Variants in TMEM164 observed in about 807,000 individuals in gnomAD.
TMEM164 encodes the protein transmembrane protein 164.
In TMEM164, 4 loss-of-function variants were observed where a neutral mutation model predicts 18.8. The observed-to-expected ratio is 0.21, with a 90% confidence interval of 0.10 to 0.49. TMEM164 has a LOEUF of 0.49. Ranked by LOEUF, TMEM164 falls within the 20% of genes least tolerant of loss-of-function variation. The probability of loss-of-function intolerance (pLI) is 0.98; values close to 1 mark genes in which losing one functional copy is unlikely to be tolerated. For missense variants in TMEM164, 108 were observed against 239.9 expected, an observed-to-expected ratio of 0.45 and a Z score of 3.63; for synonymous variants, 86 against 101.7, an observed-to-expected ratio of 0.85 and a Z score of 0.93.
downstream of TMEM164, among the ~76,000 whole-genome samples, chrX:110,179,801 A>G (rs1242240039): frequency 8.9e-6 from 1 of 111,905 alleles, no homozygotes; most frequent in East Asian, 2.8e-4. Context: ...GGTCTGATTC[A>G]TCCTCCAGCC....
At chrX:110,058,131 G>GT (rs1935936028) in intron 2 of TMEM164, among the ~76,000 whole-genome samples, 1 of 111,509 alleles carries the variant, frequency 9.0e-6, no homozygotes, top group African/African-American at 3.3e-5. Context: ...TGTGTGTGGT[G>GT]TAAGATAAGA....
chrX:110,151,344 C>G (rs2066935760), intron 5 of TMEM164, among the ~76,000 whole-genome samples: 1 of 111,017 alleles, frequency 9.0e-6, no homozygotes, highest in South Asian at 3.7e-4. Flanking sequence ...TGTTTACTAG[C>G]AATGTATGAG....
intron 3 of TMEM164, among the ~76,000 whole-genome samples, chrX:110,092,141 A>C (rs964481791): frequency 2.7e-5 from 3 of 111,881 alleles, no homozygotes; most frequent in African/African-American, 9.7e-5. Context: ...GTCAGATAGC[A>C]TGATGCCTCC....
At chrX:110,182,047 C>G (rs1222672046), downstream of TMEM164, among the ~76,000 whole-genome samples, 1 of 111,185 alleles carries the variant, frequency 9.0e-6, no homozygotes, top group Non-Finnish European at 1.9e-5. Flanking sequence ...TTTAACATCA[C>G]TAAAATTGGA....
chrX:110,003,347 C>T (rs776665047), intron 1 of TMEM164, among the ~76,000 whole-genome samples, 154 bp from the exon 2 acceptor site: 1 of 112,010 alleles, frequency 8.9e-6, no homozygotes, highest in South Asian at 3.7e-4. Flanking sequence ...CGCCCTGACC[C>T]TTTCGGCCTC....
At chrX:110,134,187 C>T (rs1053524978) in intron 4 of TMEM164, among the ~76,000 whole-genome samples, 1 of 111,356 alleles carries the variant, frequency 9.0e-6, no homozygotes, top group African/African-American at 3.3e-5. Context: ...ACTCTGTTCC[C>T]CTGCTCTCTC....
intron 4 of TMEM164, among the ~76,000 whole-genome samples, chrX:110,131,755 C>G (rs1320007702): frequency 8.9e-6 from 1 of 112,054 alleles, no homozygotes; most frequent in Non-Finnish European, 1.9e-5. Context: ...TACTAACTTT[C>G]CCTTATTGAG....
At chrX:110,046,923 G>A (rs1407066159) in intron 2 of TMEM164, among the ~76,000 whole-genome samples, 1 of 111,974 alleles carries the variant, frequency 8.9e-6, no homozygotes, top group African/African-American at 3.3e-5. Flanking sequence ...CTTCCACCTT[G>A]AATCCATTGA....
In TMEM164 at chrX:110,042,264, C is replaced by G. The variant is rs1171588152; in HGVS notation, c.391-25083C>G. Among the ~76,000 whole-genome samples the G allele has an allele frequency of 9.0e-5, 10 of 110,722 alleles. No individual in the cohort carries two copies. The Admixed American group carries it at 9.7e-4, about 11-fold the overall frequency. On this transcript the variant is annotated intron_variant, in intron 2 of 6. Coordinates refer to ENST00000372068, the MANE Select transcript of TMEM164 (RefSeq NM_032227.4). ...TCTATAAATGTGCCTATTCTAGGAACCTGTTATCGGTGGAATCATATAATA... is the reference window on the plus strand; with the variant it reads ...TCTATAAATGTGCCTATTCTAGGAAGCTGTTATCGGTGGAATCATATAATA...
intron 3 of TMEM164, among the ~76,000 whole-genome samples, chrX:110,096,712 A>G (rs1006097805): frequency 1.8e-5 from 2 of 112,083 alleles, no homozygotes; most frequent in Non-Finnish European, 3.8e-5. Flanking sequence ...CCCCAGTGAG[A>G]TGAACCTGGT....
intron 5 of TMEM164, 120 bp downstream of exon 5, chrX:110,144,996 C>G: frequency 3.9e-6 from 2 of 510,724 alleles, no homozygotes; most frequent in Admixed American, 6.5e-5. Flanking sequence ...GACTGAGTTT[C>G]TTCAACATAA....
At chrX:110,145,528 A>G (rs2066841263) in intron 5 of TMEM164, among the ~76,000 whole-genome samples, 1 of 111,856 alleles carries the variant, frequency 8.9e-6, no homozygotes, top group Non-Finnish European at 1.9e-5. Flanking sequence ...GTGCCTATCC[A>G]TCTAGGCTTG....
At chrX:110,023,410 G>A (rs143269838) in intron 2 of TMEM164, among the ~76,000 whole-genome samples, 33 of 110,587 alleles carry the variant, frequency 3.0e-4, no homozygotes, top group African/African-American at 1.1e-3. Context: ...GAGGAGTGGG[G>A]CCAGTTCCTA....
chrX:110,104,005 C>G (rs1221049838), intron 3 of TMEM164, among the ~76,000 whole-genome samples: 1 of 110,795 alleles, frequency 9.0e-6, no homozygotes, highest in Non-Finnish European at 1.9e-5. Context: ...GTCTTATAGC[C>G]TAGAAGTATT....
At chrX:110,133,511 C>A (rs1486140282) in intron 4 of TMEM164, among the ~76,000 whole-genome samples, 1 of 111,806 alleles carries the variant, frequency 8.9e-6, no homozygotes, top group Non-Finnish European at 1.9e-5. Context: ...CATATGACCT[C>A]ATTTTACCCT....
chrX:110,159,859 G>A (rs767440824), intron 5 of TMEM164, among the ~76,000 whole-genome samples: 5 of 111,768 alleles, frequency 4.5e-5, no homozygotes, highest in African/African-American at 1.6e-4. Flanking sequence ...CACCCTCAGT[G>A]GACAGCCAGG....
At chrX:110,137,145 G>A (rs771342477) in intron 4 of TMEM164, among the ~76,000 whole-genome samples, 3 of 110,936 alleles carry the variant, frequency 2.7e-5, no homozygotes. Context: ...CCTTACTTTC[G>A]ATTCTTATCA....
chrX:110,124,332 A>C lies in TMEM164; in HGVS notation c.507+15186A>C, dbSNP rs757291061. On this transcript the variant is annotated intron_variant, in intron 4 of 6. Coordinates refer to ENST00000372068, the MANE Select transcript of TMEM164 (RefSeq NM_032227.4). Reference sequence around the variant, plus strand: ...CCTTTGTTGGGTGCCAACTGGCAAGATGAATTCAGTTTTCCATTGCATAAA... The same window carrying C: ...CCTTTGTTGGGTGCCAACTGGCAAGCTGAATTCAGTTTTCCATTGCATAAA... Among the ~76,000 whole-genome samples the C allele has an allele frequency of 8.1e-5, 9 of 111,413 alleles. No homozygotes were observed. The South Asian group carries it at 3.4e-3, about 42-fold the overall frequency.
At chrX:110,012,432 G>A (rs188540850) in intron 2 of TMEM164, among the ~76,000 whole-genome samples, 9 of 112,084 alleles carry the variant, frequency 8.0e-5, no homozygotes, top group South Asian at 3.7e-4. Context: ...TCCACTGGGC[G>A]TCAGGGAGAG....
Sources: gnomAD v4.1 joint callset for allele counts (sites outside exome capture counted in the v4.1 genomes callset) on GRCh38, gnomAD v4.1.1 for gene constraint, MANE v1.5 for transcripts, NCBI Gene and HGNC (gene_info 2026-07-23, HGNC 2026-07-21) for gene names.